The following PAPPA2 variants were observed in gnomAD, a reference collection of about 807,000 sequenced individuals.
PAPPA2 encodes pappalysin 2.
Under a neutral mutation model 176.4 loss-of-function variants are expected in PAPPA2, and 86 were observed. The observed-to-expected ratio is 0.49, with a 90% CI of 0.41 to 0.58. The LOEUF (loss-of-function observed/expected upper bound fraction) is 0.58, where lower values mean the gene tolerates loss of function less well. Among genes scored for constraint, PAPPA2 ranks in the 20% least tolerant of loss-of-function variants. PAPPA2 has a pLI of 0.00. For missense variants in PAPPA2, 2,073 were observed against 2,256.9 expected, an observed-to-expected ratio of 0.92 and a Z score of 1.65; for synonymous variants, 809 against 852.2, an observed-to-expected ratio of 0.95 and a Z score of 0.88.
At chr1:176,756,980 A>G (rs996214426) in intron 14 of PAPPA2, among the ~76,000 whole-genome samples, 1 of 152,072 alleles carries the variant, frequency 6.6e-6, no homozygotes, top group African/African-American at 2.4e-5. Context: ...TCCTTGTGGT[A>G]TTTTGCTGAG....
intron 17 of PAPPA2, among the ~76,000 whole-genome samples, chr1:176,775,162 C>G (rs1326509223): frequency 6.6e-6 from 1 of 152,164 alleles, no homozygotes; most frequent in East Asian, 1.9e-4. Context: ...TACAAATGAT[C>G]TGGTTACTCA....
chr1:176,467,725 T>A (rs1651691491), intron 1 of PAPPA2, among the ~76,000 whole-genome samples: 1 of 152,232 alleles, frequency 6.6e-6, no homozygotes, highest in African/African-American at 2.4e-5. Flanking sequence ...ATAAGGTCAC[T>A]AATTTGGGGA....
chr1:176,663,549 C>T (rs971910035), intron 3 of PAPPA2, among the ~76,000 whole-genome samples: 3 of 152,086 alleles, frequency 2.0e-5, no homozygotes, highest in Non-Finnish European at 4.4e-5. Flanking sequence ...CCATTTTTTA[C>T]CTGCCAATAA....
chr1:176,839,032 A>C (rs1189806654), intron 21 of PAPPA2, among the ~76,000 whole-genome samples: 1 of 152,228 alleles, frequency 6.6e-6, no homozygotes, highest in Non-Finnish European at 1.5e-5. Flanking sequence ...GGTAAAATAC[A>C]AAACTGTCCT....
At chr1:176,511,084 T>TA (rs534652403) in intron 1 of PAPPA2, among the ~76,000 whole-genome samples, 1 of 151,756 alleles carries the variant, frequency 6.6e-6, no homozygotes, top group Non-Finnish European at 1.5e-5. Context: ...TAGAATGGAT[T>TA]AAAAAAAAGA....
At chr1:176,484,460 C>A (rs1158680839) in intron 1 of PAPPA2, among the ~76,000 whole-genome samples, 1 of 152,164 alleles carries the variant, frequency 6.6e-6, no homozygotes, top group East Asian at 1.9e-4. Flanking sequence ...TTTCACTTCT[C>A]TGGATATTTT....
chr1:176,796,616 T>TTTTCTTTTCTTTTCTTTTC, intron 20 of PAPPA2, among the ~76,000 whole-genome samples: 1 of 116,504 alleles, frequency 8.6e-6, no homozygotes, highest in Admixed American at 7.6e-5. Context: ...TTTTCTTTTC[T>TTTTCTTTTCTTTTCTTTTC]TTTCTTTCTT....
chr1:176,722,384 A>T (rs1228727148), intron 12 of PAPPA2, among the ~76,000 whole-genome samples: 4 of 151,070 alleles, frequency 2.6e-5, no homozygotes, highest in Non-Finnish European at 5.9e-5. Context: ...TAAGTAATTA[A>T]GATAGCTTGT....
At chr1:176,552,311 TC>T (rs1651008523) in intron 1 of PAPPA2, among the ~76,000 whole-genome samples, 1 of 147,644 alleles carries the variant, frequency 6.8e-6, no homozygotes, top group Non-Finnish European at 1.5e-5. Context: ...CATTTTACCC[TC>T]TCCTCCTCCA....
At chr1:176,709,924 AT>A in intron 10 of PAPPA2, 58 bp from the exon 11 acceptor site, 8 of 1,467,618 alleles carry the variant, frequency 5.5e-6, no homozygotes, top group African/African-American at 1.4e-5. Context: ...TCCCATGTTC[AT>A]TTTTTTCATG....
chr1:176,525,630 A>G (rs1293933075), intron 1 of PAPPA2, among the ~76,000 whole-genome samples: 1 of 152,238 alleles, frequency 6.6e-6, no homozygotes, highest in Non-Finnish European at 1.5e-5. Flanking sequence ...TCTGATATAC[A>G]GACAGGTTTG....
At chr1:176,576,378 CT>C (rs1294771230) in intron 2 of PAPPA2, among the ~76,000 whole-genome samples, 1 of 151,940 alleles carries the variant, frequency 6.6e-6, no homozygotes, top group South Asian at 2.1e-4. Context: ...CCACCCTTTA[CT>C]TTTTTTTCTA....
rs757542099 is a variant in PAPPA2 at position 176,765,796 on chromosome 1, G to T, written c.4282G>T (p.Ala1428Ser). 5.0e-6 allele frequency: 8 copies of T among 1,614,164 alleles called. No homozygotes were observed. The highest frequency in any genetic ancestry group is 4.4e-5 in the South Asian group (4 of 91,086). The change falls in exon 15 of 23, where the codon GCC becomes TCC. Residue 1428 changes from alanine (A) to serine (S), a missense_variant. Ala to Ser is a moderately conservative substitution (Grantham distance 99, BLOSUM62 1). This residue lies in a region of PAPPA2 where 846 missense variants were observed against 857.9 expected (regional missense o/e 0.99). Coordinates refer to ENST00000367662, the MANE Select transcript of PAPPA2 (RefSeq NM_020318.3). ...TGCTATCACTTGTCAAAGGGGATTT[G>T]CCCTTCAGGCCAGCAGTGGGCAGTA... ...KCAITCQRGF[A>S]LQASSGQYIR...
At position 176,720,379 on chromosome 1, in the gene PAPPA2, C is replaced by T. The variant is rs12028831; in HGVS notation, c.3798+8398C>T. ...ATATTTAATATGCTTAGTTTGTTAT[C>T]AACATATTATATATATATGTGCAAT... On this transcript the variant is annotated intron_variant, in intron 12 of 22. Transcript: ENST00000367662. Among the ~76,000 whole-genome samples the T allele has an allele frequency of 6.9e-3, 1,050 of 151,996 alleles. 47 individuals are homozygous for T. In the East Asian group the frequency reaches 0.13, roughly 18 times the overall value.
intron 3 of PAPPA2, among the ~76,000 whole-genome samples, chr1:176,657,075 T>C (rs144317242): frequency 0.013 from 1,951 of 151,962 alleles, 23 homozygotes; most frequent in African/African-American, 0.027. Flanking sequence ...TGTGGCTTAA[T>C]TGGGGAGTCC....
At chr1:176,539,091 T>C (rs1229938870) in intron 1 of PAPPA2, among the ~76,000 whole-genome samples, 1 of 152,180 alleles carries the variant, frequency 6.6e-6, no homozygotes, top group East Asian at 1.9e-4. Context: ...AGTCTTTTAT[T>C]TCCCTTCTGG....
At chr1:176,659,784 T>C (rs572042260) in intron 3 of PAPPA2, among the ~76,000 whole-genome samples, 9 of 152,116 alleles carry the variant, frequency 5.9e-5, no homozygotes, top group Non-Finnish European at 1.2e-4. Flanking sequence ...ATCTCTTTAA[T>C]GTGTCTGCCA....
At chr1:176,670,394 C>T (rs1658923085) in intron 3 of PAPPA2, among the ~76,000 whole-genome samples, 1 of 152,152 alleles carries the variant, frequency 6.6e-6, no homozygotes, top group African/African-American at 2.4e-5. Context: ...AGAGAGATGT[C>T]TATACAATTG....
At chr1:176,807,787 T>A (rs1665971783) in intron 21 of PAPPA2, among the ~76,000 whole-genome samples, 1 of 152,092 alleles carries the variant, frequency 6.6e-6, no homozygotes, top group Admixed American at 6.5e-5. Flanking sequence ...TGAGCCACCA[T>A]GCAAGGCCAA....
Sources: allele counts gnomAD v4.1 joint callset (sites outside exome capture counted in the v4.1 genomes callset), GRCh38; gene constraint gnomAD v4.1.1; regional missense constraint gnomAD v4.1.1; transcripts MANE v1.5; gene names NCBI Gene and HGNC (gene_info 2026-07-23, HGNC 2026-07-21).